The following RAB8A variants were observed in gnomAD, a reference collection of about 807,000 sequenced individuals.
The protein encoded by RAB8A is ras-related protein Rab-8A.
Under a neutral mutation model 29.2 loss-of-function variants are expected in RAB8A, and 5 were observed. The observed-to-expected ratio is 0.17, with a 90% CI of 0.09 to 0.36. RAB8A has a LOEUF of 0.36. Among genes scored for constraint, RAB8A ranks in the 10% least tolerant of loss-of-function variants. The pLI, the probability that RAB8A is intolerant of heterozygous loss-of-function variation, is 1.00. For synonymous variants in RAB8A, 108 were observed against 99.9 expected, an observed-to-expected ratio of 1.08 and a Z score of -0.49; for missense variants, 171 against 272.2, an observed-to-expected ratio of 0.63 and a Z score of 2.62.
intron 1 of RAB8A, among the ~76,000 whole-genome samples, chr19:16,115,824 C>T (rs2090843812): frequency 6.6e-6 from 1 of 152,116 alleles, no homozygotes; most frequent in Admixed American, 6.5e-5. Flanking sequence ...AGGGAGCTTA[C>T]GTTTGAGAGG....
chr19:16,112,203 T>TG (rs2090827039), intron 1 of RAB8A, among the ~76,000 whole-genome samples, 178 bp downstream of exon 1: 1 of 151,894 alleles, frequency 6.6e-6, no homozygotes. Context: ...TGGGCCGTGG[T>TG]GGGGGAGACC....
At chr19:16,112,234 G>C (rs570524084) in intron 1 of RAB8A, 4 of 635,198 alleles carry the variant, frequency 6.3e-6, no homozygotes, top group Non-Finnish European at 7.9e-6. Flanking sequence ...TTTGCAGATA[G>C]GGAGACTGAG....
rs868836206 is a variant in RAB8A, at chr19:16,117,016, A to C, written c.125-1210A>C. Among the ~76,000 whole-genome samples, 3 of 152,162 alleles carry C rather than the reference A, an allele frequency of 2.0e-5. 1 individual carries two copies. In the Middle Eastern group the frequency reaches 0.01, roughly 518 times the overall value. On this transcript the variant is annotated intron_variant, in intron 1 of 7. Transcript: ENST00000300935. ...CTATGCTGGACATGTCTGTTAATGG[A>C]ATCTCACACTAAGTGACCTTTAGTG... is the stretch of plus-strand genomic sequence containing the variant.
intron 1 of RAB8A, among the ~76,000 whole-genome samples, chr19:16,115,215 G>C (rs534025601): frequency 1.4e-4 from 22 of 152,170 alleles, no homozygotes; most frequent in Middle Eastern, 6.8e-3. Context: ...TTGAATCCAG[G>C]AGGCAGAGGT....
At position 16,133,453 on chromosome 19, in the gene RAB8A, C is replaced by CTCT. The variant is rs750754371; in HGVS notation, c.*1150_*1151insCTT. ...TCACCAGCCTTTTCTTTTTTTCTTTCTTTTTTTTTTTTTCCTCCTTAAGCT... is the reference window on the plus strand; with the variant it reads ...TCACCAGCCTTTTCTTTTTTTCTTTCTCTTTTTTTTTTTTTTCCTCCTTAAGCT... On this transcript the variant is annotated 3_prime_UTR_variant, in exon 8 of 8. Transcript: ENST00000300935. 6.9e-6 allele frequency: 1 copy of CTCT among 144,906 alleles called. No individual in the cohort carries two copies. The highest frequency in any genetic ancestry group is 1.5e-5 in the Non-Finnish European group (1 of 65,892). The allele number at this position is 144,906 out of a possible 1,614,324, so 9.0% of individuals were successfully genotyped here. A position where few individuals can be genotyped will look rare whatever the true frequency, so the allele number is the denominator to read the frequency against.
intron 6 of RAB8A, 60 bp from the exon 7 acceptor site, chr19:16,129,493 CG>C (rs375755171): frequency 3.2e-6 from 5 of 1,538,994 alleles, no homozygotes; most frequent in African/African-American, 2.7e-5. Flanking sequence ...CCGCTGTACA[CG>C]GGCGGCTGAG....
intron 2 of RAB8A, among the ~76,000 whole-genome samples, chr19:16,118,889 C>T (rs1055482331): frequency 2.6e-5 from 4 of 152,202 alleles, no homozygotes; most frequent in African/African-American, 7.2e-5. Context: ...GACTCCAAGT[C>T]GCCATCGCTG....
At position 16,132,220 on chromosome 19, in the gene RAB8A, C is replaced by T. The variant is rs771638319; in HGVS notation, c.540C>T (p.Asn180=). 5 of 1,613,576 alleles carry T rather than the reference C, an allele frequency of 3.1e-6. No homozygotes were observed. In the South Asian group the frequency reaches 4.4e-5, roughly 14 times the overall value. Residue 180 remains asparagine (N), a synonymous_variant, in exon 8 of 8, where the codon AAC becomes AAT. Coordinates refer to ENST00000300935, the MANE Select transcript of RAB8A (RefSeq NM_005370.5). This position sits in a 1 kb window ranked among gnomAD's most constrained non-coding sequence, Gnocchi z 5.6. ...KAKMDKKLEG[N]SPQGSNQGVK... is the part of the protein sequence containing the mutation. ...ACCTCTTGTGATTTCAGGAAGGCAA[C>T]AGCCCCCAGGGGAGCAACCAGGGAG...
At position 16,127,792 on chromosome 19, in the gene RAB8A, G is replaced by A; in HGVS notation, c.415-234G>A. 3.4e-5 allele frequency: 21 copies of A among 624,910 alleles called. No individual in the cohort carries two copies. In the South Asian group the frequency reaches 3.6e-4, roughly 11 times the overall value. 38.7% of individuals were successfully genotyped at this position (624,910 alleles called of 1,614,324 possible). ...CAGAGCCATAGTTTGATCCCAGCAG[G>A]TCCCCGCCACCCTCCCATCTCAGCT... On this transcript the variant is annotated intron_variant, in intron 5 of 7. Coordinates refer to ENST00000300935, the MANE Select transcript of RAB8A (RefSeq NM_005370.5). This position sits in a 1 kb window ranked among gnomAD's most constrained non-coding sequence, Gnocchi z 4.8.
chr19:16,124,996 G>C, intron 3 of RAB8A: 1 of 182,794 alleles, frequency 5.5e-6, no homozygotes, highest in Non-Finnish European at 1.2e-5. Context: ...TGTCGGGTCA[G>C]GACTTCCTGG....
chr19:16,120,623 T>TTTC (rs1173018960), intron 2 of RAB8A, among the ~76,000 whole-genome samples: 2 of 150,492 alleles, frequency 1.3e-5, no homozygotes, highest in African/African-American at 4.9e-5. Flanking sequence ...TTTTTTTTTT[T>TTTC]TTCCTGAGAC....
At position 16,127,764 on chromosome 19, in the gene RAB8A, G is replaced by A; in HGVS notation, c.414+238G>A. The A allele has an allele frequency of 3.3e-6, 2 of 609,036 alleles. No individual in the cohort carries two copies. The highest frequency in any genetic ancestry group is 5.7e-5 in the Admixed American group (2 of 35,306). 37.7% of individuals were successfully genotyped at this position (609,036 alleles called of 1,614,324 possible). ...AGACTTTCAAGACCACAGGAGCGGG[G>A]AACAGAGCCATAGTTTGATCCCAGC... On this transcript the variant is annotated intron_variant, in intron 5 of 7. Coordinates refer to ENST00000300935, the MANE Select transcript of RAB8A (RefSeq NM_005370.5). This position sits in a 1 kb window ranked among gnomAD's most constrained non-coding sequence, Gnocchi z 4.8.
intron 2 of RAB8A, among the ~76,000 whole-genome samples, chr19:16,119,637 G>A (rs1423768539): frequency 2.0e-5 from 3 of 148,256 alleles, no homozygotes; most frequent in African/African-American, 7.9e-5. Flanking sequence ...TCCACTTCCA[G>A]CACGTTGGTG....
chr19:16,112,009 T>G lies in RAB8A; in HGVS notation c.108T>G (p.Thr36=). ...TCTCCGAGGACGCCTTCAACTCCACTTTTATCTCCACCATAGGTAACGGGA... is the reference window on the plus strand; with the variant it reads ...TCTCCGAGGACGCCTTCAACTCCACGTTTATCTCCACCATAGGTAACGGGA... ...FRFSEDAFNS[T]FISTIGIDFK... Residue 36 remains threonine, a synonymous_variant, in exon 1 of 8, where the codon ACT becomes ACG. Coordinates refer to ENST00000300935, the MANE Select transcript of RAB8A (RefSeq NM_005370.5). 6.2e-7 allele frequency: 1 copy of G among 1,613,982 alleles called. No homozygotes were observed. Among genetic ancestry groups the G allele is most frequent in the Non-Finnish European group, 8.5e-7 (1 of 1,179,872 alleles).
chr19:16,129,531 C>T (rs1488479672), intron 6 of RAB8A, 23 bp from the exon 7 acceptor site: 1 of 1,613,560 alleles, frequency 6.2e-7, no homozygotes, highest in Non-Finnish European at 8.5e-7. Flanking sequence ...ATCCCAAGGA[C>T]TCACAATGTG....
chr19:16,125,752 C>T lies in RAB8A; in HGVS notation c.324+205C>T, dbSNP rs1599398176. On this transcript the variant is annotated intron_variant, in intron 4 of 7. Transcript: ENST00000300935. The surrounding 1 kb of genome is among the most constrained non-coding windows in gnomAD (Gnocchi z 5.0). ...CACTGGCCTGGCCCCACCCCGGAGC[C>T]CCTCGGAGCCCATCCCTCCAGCTAG... 16 of 679,950 alleles carry T rather than the reference C, an allele frequency of 2.4e-5. No homozygotes were observed. The East Asian group carries it at 4.4e-4, about 19-fold the overall frequency. 42.1% of individuals were successfully genotyped at this position (679,950 alleles called of 1,614,324 possible). A position where few individuals can be genotyped will look rare whatever the true frequency, so the allele number is the denominator to read the frequency against.
rs1482944299 is a variant in RAB8A at position 16,121,774 on chromosome 19, T to G, written c.210T>G (p.Phe70Leu). The part of the protein sequence containing the change: ...QIWDTAGQER[F>L]RTITTAYYRG... The stretch of plus-strand genomic sequence containing the variant: ...GGGACACAGCCGGTCAGGAACGGTT[T>G]CGGACGATCACAACGGCCTACTACA... Residue 70 changes from phenylalanine (F) to leucine (L), a missense_variant, in exon 3 of 8, where the codon TTT (phenylalanine) becomes TTG (leucine). Around this residue, in one of 3 missense-constraint regions of RAB8A, gnomAD observed 145 missense variants for 212.8 expected, o/e 0.68. Transcript: ENST00000300935. 1 of 1,614,156 alleles carries G rather than the reference T, an allele frequency of 6.2e-7. No homozygotes were observed. The highest frequency in any genetic ancestry group is 8.5e-7 in the Non-Finnish European group (1 of 1,179,980).
intron 2 of RAB8A, 86 bp from the exon 3 acceptor site, chr19:16,121,664 G>C: frequency 8.0e-7 from 1 of 1,251,848 alleles, no homozygotes; most frequent in Non-Finnish European, 1.2e-6. Context: ...GAGAAAGCCA[G>C]GCATCCCGGG....
rs535682119 is a variant in RAB8A at position 16,132,154 on chromosome 19, T to C, written c.532-58T>C. ...GATGGTTAGGTGGATGGCTGGTTGA[T>C]TGTGAGACGTAGTGCTGATTCTCAG... On this transcript the variant is annotated intron_variant, in intron 7 of 7. Transcript: ENST00000300935. The surrounding 1 kb of genome is among the most constrained non-coding windows in gnomAD (Gnocchi z 5.6). The C allele has an allele frequency of 7.5e-7, 1 of 1,335,758 alleles. No homozygotes were observed. Among genetic ancestry groups the C allele is most frequent in the East Asian group, 2.3e-5 (1 of 43,444 alleles). 82.7% of individuals were successfully genotyped at this position (1,335,758 alleles called of 1,614,324 possible). A position where few individuals can be genotyped will look rare whatever the true frequency, so the allele number is the denominator to read the frequency against.
Sources: gnomAD v4.1 joint callset for allele counts (sites outside exome capture counted in the v4.1 genomes callset) on GRCh38, gnomAD v4.1.1 for gene constraint, gnomAD v4.1.1 regional missense constraint, Gnocchi (gnomAD v3.1) non-coding constraint, MANE v1.5 for transcripts, NCBI Gene and HGNC (gene_info 2026-07-23, HGNC 2026-07-21) for gene names.